The following SLCO1A2 variants were observed in gnomAD, a reference collection of about 807,000 sequenced individuals.
The protein encoded by SLCO1A2 is OATP-1.
In SLCO1A2, 67 loss-of-function variants were observed where a neutral mutation model predicts 69.0. The ratio of observed to expected loss-of-function variants is 0.97; its 90% CI spans 0.80 to 1.19. The LOEUF is 1.19. Ranked by LOEUF, SLCO1A2 falls within the 50% of genes most tolerant of loss-of-function variation. The pLI, the probability that SLCO1A2 is intolerant of heterozygous loss-of-function variation, is 0.00. For synonymous variants in SLCO1A2, 260 were observed against 265.9 expected (o/e 0.98, Z 0.22); for missense variants, 787 against 793.7 (o/e 0.99, Z 0.10).
intron 1 of SLCO1A2, among the ~76,000 whole-genome samples, chr12:21,389,634 AC>A (rs1182619723): frequency 6.6e-6 from 1 of 152,086 alleles, no homozygotes; most frequent in East Asian, 1.9e-4. Context: ...AGATTTTTTG[AC>A]ATGACATTAT....
At chr12:21,405,007 A>T (rs1480885309) in intron 1 of SLCO1A2, among the ~76,000 whole-genome samples, 1 of 151,218 alleles carries the variant, frequency 6.6e-6, no homozygotes, top group Non-Finnish European at 1.5e-5. Context: ...ACTTTTTAAA[A>T]TGTTTGTTGG....
intron 2 of SLCO1A2, among the ~76,000 whole-genome samples, chr12:21,364,820 C>T (rs1939237995): frequency 6.6e-6 from 1 of 152,074 alleles, no homozygotes; most frequent in Non-Finnish European, 1.5e-5. Flanking sequence ...AATAAAATAC[C>T]TAGGAATCCA....
chr12:21,316,631 C>T (rs937437672), intron 3 of SLCO1A2, among the ~76,000 whole-genome samples: 6 of 151,680 alleles, frequency 4.0e-5, no homozygotes, highest in Non-Finnish European at 8.8e-5. Context: ...GTTTCTCTGA[C>T]CATTCCTTCT....
Position 21,373,716 on chromosome 12 carries a change from C to T in SLCO1A2, c.-63+683G>A, listed in dbSNP as rs984441147. The stretch of plus-strand genomic sequence containing the variant: ...AGAGGGGCAAAGCCAGAACATGAAG[C>T]GGGAAAAAAATCAAAAGGTAGTAAT... On this transcript the variant is annotated intron_variant, in intron 2 of 15. Coordinates refer to the SLCO1A2 transcript ENST00000307378. 8 of 700,750 alleles carry T rather than the reference C, an allele frequency of 1.1e-5. No individual in the cohort carries two copies. In the East Asian group the frequency reaches 1.3e-4, roughly 12 times the overall value. 43.4% of individuals were successfully genotyped at this position (700,750 alleles called of 1,614,324 possible). A position where few individuals can be genotyped will look rare whatever the true frequency, so the allele number is the denominator to read the frequency against.
Position 21,375,556 on chromosome 12 carries a change from CT to C in SLCO1A2, c.-189-1032del, listed in dbSNP as rs1940132137. Among the ~76,000 whole-genome samples, 6 of 152,184 alleles carry C rather than the reference CT, an allele frequency of 3.9e-5. No homozygotes were observed. In the South Asian group the frequency reaches 1.2e-3, roughly 32 times the overall value. On this transcript the variant is annotated intron_variant, in intron 1 of 15. Coordinates refer to the SLCO1A2 transcript ENST00000307378. ...AAAGGATCACATACTTTCCCACCAACTTTTTTACACTCCCTTGTAAATATCT... is the reference window on the plus strand; with the variant it reads ...AAAGGATCACATACTTTCCCACCAACTTTTTACACTCCCTTGTAAATATCT...
At chr12:21,306,721 G>A (rs1335278370) in intron 5 of SLCO1A2, among the ~76,000 whole-genome samples, 161 bp downstream of exon 5, 1 of 152,170 alleles carries the variant, frequency 6.6e-6, no homozygotes, top group African/African-American at 2.4e-5. Context: ...TTTATTATTA[G>A]CTATTCTTAT....
At position 21,305,224 on chromosome 12, in the gene SLCO1A2, GACT is replaced by G. The variant is rs1949215412; in HGVS notation, c.443-654_443-652del. 2.0e-5 allele frequency among the ~76,000 whole-genome samples: 3 copies of G among 152,172 alleles called. No homozygotes were observed. In the South Asian group the frequency reaches 6.2e-4, roughly 32 times the overall value. On this transcript the variant is annotated intron_variant, in intron 5 of 14. Coordinates refer to ENST00000683939, the MANE Select transcript of SLCO1A2 (RefSeq NM_001386879.1). ...CGCAGCTGCTTAGTAGAGTAACAAA[GACT>G]AGACCAAAGGGAATAGAAACTGAGA...
At position 21,266,450 on chromosome 12, in the gene SLCO1A2, T is replaced by C. The variant is rs1942073998; in HGVS notation, c.*3098A>G. The C allele has an allele frequency of 6.6e-6, 1 of 152,154 alleles. No homozygotes were observed. Among genetic ancestry groups the C allele is most frequent in the African/African-American group, 2.4e-5 (1 of 41,430 alleles). The allele number at this position is 152,154 out of a possible 1,614,324, so 9.4% of individuals were successfully genotyped here. A position where few individuals can be genotyped will look rare whatever the true frequency, so the allele number is the denominator to read the frequency against. On this transcript the variant is annotated 3_prime_UTR_variant, in exon 15 of 15. Coordinates refer to ENST00000683939, the MANE Select transcript of SLCO1A2 (RefSeq NM_001386879.1). Reference sequence around the variant, plus strand: ...CCACTTCGTGTGCTATTACTCAAATTTCTTAAAATCATCTGAGGAAAAGTT... The same window carrying C: ...CCACTTCGTGTGCTATTACTCAAATCTCTTAAAATCATCTGAGGAAAAGTT...
chr12:21,300,000 A>G (rs895281409), intron 8 of SLCO1A2, among the ~76,000 whole-genome samples: 1 of 147,298 alleles, frequency 6.8e-6, no homozygotes, highest in South Asian at 2.1e-4. Flanking sequence ...GTGTAGATAT[A>G]TGTGTGTGTA....
intron 1 of SLCO1A2, among the ~76,000 whole-genome samples, chr12:21,385,060 C>T (rs1018644383): frequency 1.3e-5 from 2 of 152,060 alleles, no homozygotes; most frequent in Non-Finnish European, 2.9e-5. Flanking sequence ...CCACTTCGCC[C>T]GGCCAGATTT....
chr12:21,317,752 T>C (rs755954251), intron 3 of SLCO1A2, among the ~76,000 whole-genome samples: 2 of 152,158 alleles, frequency 1.3e-5, no homozygotes, highest in African/African-American at 2.4e-5. Flanking sequence ...TTTAAATACA[T>C]TTATATTAAA....
chr12:21,349,337 G>A (rs1937747054), intron 2 of SLCO1A2, among the ~76,000 whole-genome samples: 1 of 152,118 alleles, frequency 6.6e-6, no homozygotes, highest in Non-Finnish European at 1.5e-5. Context: ...ATTCTGCTGA[G>A]AGGCCCAGAT....
chr12:21,394,142 GA>G (rs1941299508), intron 1 of SLCO1A2, among the ~76,000 whole-genome samples: 1 of 152,120 alleles, frequency 6.6e-6, no homozygotes, highest in South Asian at 2.1e-4. Flanking sequence ...TAGATTTCAA[GA>G]AAGAAACACG....
intron 5 of SLCO1A2, among the ~76,000 whole-genome samples, chr12:21,305,999 G>C (rs1949333302): frequency 6.6e-6 from 1 of 152,172 alleles, no homozygotes; most frequent in South Asian, 2.1e-4. Flanking sequence ...CAGTACATTG[G>C]TGCCTAGGGC....
In SLCO1A2 at chr12:21,404,992, G is replaced by A. The variant is rs546676608; in HGVS notation, c.-312+12890C>T. Among the ~76,000 whole-genome samples the A allele has an allele frequency of 1.6e-4, 24 of 151,640 alleles. No homozygotes were observed. The South Asian group carries it at 4.6e-3, about 29-fold the overall frequency. On this transcript the variant is annotated intron_variant, in intron 1 of 4. Transcript: ENST00000413682. ...TTGCATTTCTCTAATGATCAGCGATGTTGAACTTTTTAAAATGTTTGTTGG... is the reference window on the plus strand; with the variant it reads ...TTGCATTTCTCTAATGATCAGCGATATTGAACTTTTTAAAATGTTTGTTGG...
chr12:21,405,878 G>A (rs957123996), intron 1 of SLCO1A2, among the ~76,000 whole-genome samples: 10 of 152,154 alleles, frequency 6.6e-5, no homozygotes, highest in African/African-American at 2.4e-4. Flanking sequence ...TGTTACCTTG[G>A]ACAAGTTAAT....
intron 12 of SLCO1A2, among the ~76,000 whole-genome samples, chr12:21,278,753 A>C (rs1944315900): frequency 6.6e-6 from 1 of 152,114 alleles, no homozygotes; most frequent in South Asian, 2.1e-4. Context: ...CAGACTGTGA[A>C]GACTACAATA....
chr12:21,273,906 A>G (rs1033617955), intron 14 of SLCO1A2: 1 of 152,264 alleles, frequency 6.6e-6, no homozygotes, highest in Non-Finnish European at 1.5e-5. Flanking sequence ...AAATTTAAAC[A>G]AAACTCAAAT....
chr12:21,360,237 G>A (rs766348271), intron 2 of SLCO1A2, among the ~76,000 whole-genome samples: 2 of 152,222 alleles, frequency 1.3e-5, no homozygotes, highest in Non-Finnish European at 2.9e-5. Flanking sequence ...ATTGATTGTG[G>A]TGATGGTTTC....
Sources: allele counts gnomAD v4.1 joint callset (sites outside exome capture counted in the v4.1 genomes callset), GRCh38; gene constraint gnomAD v4.1.1; transcripts MANE v1.5; gene names NCBI Gene and HGNC (gene_info 2026-07-23, HGNC 2026-07-21).